Variants in ZFHX4 observed in about 807,000 individuals in gnomAD.
ZFHX4 encodes zinc finger homeobox 4.
A neutral mutation model predicts 267.6 loss-of-function variants in ZFHX4; 56 were observed. The ratio of observed to expected loss-of-function variants is 0.21; its 90% CI spans 0.17 to 0.26. The LOEUF is 0.26. ZFHX4 is among the 10% of genes least tolerant of loss of function. The pLI, the probability that ZFHX4 is intolerant of heterozygous loss-of-function variation, is 1.00. For missense variants in ZFHX4, 4,332 were observed against 4,420.0 expected (o/e 0.98, Z 0.56); for synonymous variants, 1,778 against 1,665.6 (o/e 1.07, Z -1.64).
intron 3 of ZFHX4, among the ~76,000 whole-genome samples, chr8:76,777,878 GTTTT>G (rs1563516399): frequency 7.2e-6 from 1 of 139,138 alleles, no homozygotes; most frequent in Non-Finnish European, 1.6e-5. Context: ...GTTTGTTTTT[GTTTT>G]TTGTTTTTTT....
chr8:76,781,506 A>G (rs1412693466), intron 4 of ZFHX4, among the ~76,000 whole-genome samples: 1 of 152,124 alleles, frequency 6.6e-6, no homozygotes, highest in Non-Finnish European at 1.5e-5. Context: ...TGAGTCAAGA[A>G]AAACAATACA....
At position 76,854,409 on chromosome 8, in the gene ZFHX4, T is replaced by A. The variant is rs747165158; in HGVS notation, c.7488T>A (p.Asp2496Glu). ...LPPQLLQYQC[D>E]QCTVAFPTLE... is the part of the protein sequence containing the mutation. ...CACAGTTACTACAATACCAATGTGA[T>A]CAGTGTACAGTTGCCTTCCCAACTC... Residue 2496 changes from aspartate (D) to glutamate (E), a missense_variant, in exon 10 of 11, where the codon GAT becomes GAA. By Grantham distance (45) the Asp-to-Glu change is conservative. Coordinates refer to ENST00000651372, the MANE Select transcript of ZFHX4 (RefSeq NM_024721.5). The A allele has an allele frequency of 6.2e-6, 10 of 1,613,842 alleles. No individual in the cohort carries two copies. Among genetic ancestry groups the A allele is most frequent in the Middle Eastern group, 1.6e-4 (1 of 6,084 alleles).
intron 6 of ZFHX4, among the ~76,000 whole-genome samples, chr8:76,848,542 T>C (rs528284496): frequency 8.8e-4 from 134 of 152,324 alleles, no homozygotes; most frequent in Non-Finnish European, 1.3e-3. Context: ...TTATTATTAT[T>C]TGAGTTTCTG....
At chr8:76,723,330 G>A (rs1808772588) in intron 3 of ZFHX4, among the ~76,000 whole-genome samples, 1 of 152,008 alleles carries the variant, frequency 6.6e-6, no homozygotes, top group African/African-American at 2.4e-5. Flanking sequence ...TGCTCTTTGA[G>A]ATCTAGTCCA....
intron 3 of ZFHX4, among the ~76,000 whole-genome samples, chr8:76,710,763 C>T (rs971458785): frequency 6.6e-6 from 1 of 151,994 alleles, no homozygotes; most frequent in African/African-American, 2.4e-5. Flanking sequence ...TTGAATAGGC[C>T]ACTTTACCTC....
At chr8:76,683,763 A>T (rs1440900615) in intron 1 of ZFHX4, 1 of 148,328 alleles carries the variant, frequency 6.7e-6, no homozygotes, top group Admixed American at 6.8e-5. Context: ...ATAAACGTGG[A>T]GTGGTTAAAG....
chr8:76,772,485 G>A (rs1264098574), intron 3 of ZFHX4, among the ~76,000 whole-genome samples: 1 of 152,116 alleles, frequency 6.6e-6, no homozygotes, highest in Non-Finnish European at 1.5e-5. Flanking sequence ...AGGGTTAAGA[G>A]AGTTATGGCT....
rs1385923713 is a variant in ZFHX4, at chr8:76,745,388, T to G, written c.3094-32820T>G. 2.6e-5 allele frequency among the ~76,000 whole-genome samples: 4 copies of G among 152,198 alleles called. No individual in the cohort carries two copies. The East Asian group carries it at 5.8e-4, about 22-fold the overall frequency. On this transcript the variant is annotated intron_variant, in intron 3 of 10. Transcript: ENST00000651372. ...AATTCCTTTTTGTGTAGGTATAGTTTTTGTTATCCTTTCTTGGAGGATTGA... is the reference window on the plus strand; with the variant it reads ...AATTCCTTTTTGTGTAGGTATAGTTGTTGTTATCCTTTCTTGGAGGATTGA...
intron 2 of ZFHX4, 115 bp from the exon 3 acceptor site, chr8:76,707,431 A>G (rs1197760357): frequency 3.2e-6 from 3 of 941,694 alleles, no homozygotes; most frequent in South Asian, 4.0e-5. Context: ...ACAGCTTTTT[A>G]TAGTTTAAGC....
At chr8:76,736,459 TATGGTGAA>T (rs1181300892) in intron 3 of ZFHX4, among the ~76,000 whole-genome samples, 2 of 152,148 alleles carry the variant, frequency 1.3e-5, no homozygotes, top group African/African-American at 4.8e-5. Context: ...AAACATTTAT[TATGGTGAA>T]ATATTAAACT....
In ZFHX4 at chr8:76,864,954, TAGG is replaced by T. The variant is rs1304967344; in HGVS notation, c.*390_*392del. The stretch of plus-strand genomic sequence containing the variant: ...CAAAGAGAATTTCTCTTAGTTTAGT[TAGG>T]TGTAATTCAGTAGCTTTAAATTCTC... On this transcript the variant is annotated 3_prime_UTR_variant, in exon 11 of 11. Coordinates refer to ENST00000651372, the MANE Select transcript of ZFHX4 (RefSeq NM_024721.5). The T allele has an allele frequency of 6.4e-6, 1 of 156,276 alleles. No individual in the cohort carries two copies. 9.7% of individuals were successfully genotyped at this position (156,276 alleles called of 1,614,324 possible).
At chr8:76,734,669 T>C (rs1585893365) in intron 3 of ZFHX4, among the ~76,000 whole-genome samples, 1 of 152,276 alleles carries the variant, frequency 6.6e-6, no homozygotes, top group East Asian at 1.9e-4. Context: ...GACCTCTTCA[T>C]TGTAGTTTTT....
At chr8:76,793,757 T>G (rs1435302325) in intron 4 of ZFHX4, among the ~76,000 whole-genome samples, 2 of 152,226 alleles carry the variant, frequency 1.3e-5, no homozygotes, top group Non-Finnish European at 2.9e-5. Context: ...TTTTTCATTC[T>G]TTTTCTTTTT....
chr8:76,783,993 A>G (rs1030737685), intron 4 of ZFHX4, among the ~76,000 whole-genome samples: 3 of 152,032 alleles, frequency 2.0e-5, no homozygotes, highest in African/African-American at 7.2e-5. Flanking sequence ...ATGAAATAAT[A>G]CAATGATGGT....
intron 3 of ZFHX4, chr8:76,708,263 C>A: frequency 1.7e-6 from 1 of 600,640 alleles, no homozygotes; most frequent in Non-Finnish European, 2.8e-6. Flanking sequence ...TCACTTACAC[C>A]TGTCTCAGTG....
chr8:76,794,728 A>G (rs1203810639), intron 4 of ZFHX4, among the ~76,000 whole-genome samples: 2 of 152,192 alleles, frequency 1.3e-5, no homozygotes, highest in Non-Finnish European at 2.9e-5. Flanking sequence ...TCAAAAAAAG[A>G]ATTAAGTGTA....
At position 76,863,497 on chromosome 8, in the gene ZFHX4, G is replaced by A. The variant is rs375245954; in HGVS notation, c.9783G>A (p.Gln3261=). The A allele has an allele frequency of 4.1e-5, 66 of 1,613,590 alleles. No individual in the cohort carries two copies. The African/African-American group carries it at 7.9e-4, about 19-fold the overall frequency. ...AGDPASFIGG[Q]FLPYFIPGFA... ...ACCCAGCTTCCTTTATAGGCGGACA[G>A]TTCTTGCCATACTTTATCCCTGGGT... is the stretch of plus-strand genomic sequence containing the variant. The change falls in exon 11 of 11, where the codon CAG becomes CAA. Residue 3261 remains glutamine (Q), a synonymous_variant. Transcript: ENST00000651372.
At chr8:76,712,526 A>G (rs942286842) in intron 3 of ZFHX4, among the ~76,000 whole-genome samples, 2 of 152,114 alleles carry the variant, frequency 1.3e-5, no homozygotes, top group Non-Finnish European at 2.9e-5. Context: ...TACCATTTCA[A>G]TTATTGAACT....
chr8:76,855,584 T>TC lies in ZFHX4; in HGVS notation c.8664dup (p.Thr2889HisfsTer3). 1 of 1,613,872 alleles carries TC rather than the reference T, an allele frequency of 6.2e-7. No individual in the cohort carries two copies. The highest frequency in any genetic ancestry group is 8.5e-7 in the Non-Finnish European group (1 of 1,179,852). On this transcript the variant is annotated frameshift_variant, in exon 10 of 11. Transcript: ENST00000651372. LOFTEE classifies it high-confidence loss of function. ...GGCGACCACGACCAAAGCTTTTACA[T>TC]CACAGATGACCCGGATGACAACGCC...
Sources: gnomAD v4.1 joint callset for allele counts (sites outside exome capture counted in the v4.1 genomes callset) on GRCh38, gnomAD v4.1.1 for gene constraint, MANE v1.5 for transcripts, NCBI Gene and HGNC (gene_info 2026-07-23, HGNC 2026-07-21) for gene names.